POLI: variants seen among roughly 807,000 people sequenced by gnomAD.
POLI encodes the protein RAD30 homolog B.
Under a neutral mutation model 51.6 loss-of-function variants are expected in POLI, and 58 were observed. That is an observed-to-expected ratio of 1.12 (90% confidence interval 0.91 to 1.40). The LOEUF (loss-of-function observed/expected upper bound fraction) is 1.40. Among genes scored for constraint, POLI ranks in the 40% most tolerant of loss-of-function variants. POLI has a pLI of 0.00. For missense variants in POLI, 921 were observed against 871.3 expected (o/e 1.06, Z -0.72); for synonymous variants, 322 against 299.7 (o/e 1.07, Z -0.77).
At chr18:54,287,159 C>T in intron 7 of POLI, 122 bp from the exon 8 acceptor site, 1 of 592,836 alleles carries the variant, frequency 1.7e-6, no homozygotes, top group East Asian at 3.0e-5. Context: ...ATTTTGTTAT[C>T]TGCTATATGT....
intron 1 of POLI, 119 bp downstream of exon 1, chr18:54,269,780 C>G (rs1385507983): frequency 7.2e-7 from 1 of 1,383,676 alleles, no homozygotes; most frequent in Admixed American, 3.6e-5. Flanking sequence ...CTCGGCTCCT[C>G]TAAGAGAGGG....
Position 54,294,052 on chromosome 18 carries a change from G to T in POLI, c.1808G>T (p.Gly603Val). 6.2e-7 allele frequency: 1 copy of T among 1,613,194 alleles called. No individual in the cohort carries two copies. Among genetic ancestry groups the T allele is most frequent in the African/African-American group, 1.3e-5 (1 of 75,016 alleles). ...TCCTCTGTATCTCCTTGTGAACCGG[G>T]AACATCAGGCTTTAATAGCAGTAGT... ...QVSSVSPCEP[G>V]TSGFNSSSSS... is the part of the protein sequence containing the mutation. The change falls in exon 10 of 10, where the codon GGA becomes GTA. Residue 603 changes from glycine to valine, a missense_variant. Transcript: ENST00000579534.
rs1219181012 is a variant in POLI at position 54,287,542 on chromosome 18, T to C, written c.1198+131T>C. On this transcript the variant is annotated intron_variant, in intron 8 of 9. Coordinates refer to ENST00000579534, the MANE Select transcript of POLI (RefSeq NM_007195.3). ...AGCAAGCAATTAAATGCTTTTATTCTATCAGGAATTTTCACTGGAAAACTT... is the reference window on the plus strand; with the variant it reads ...AGCAAGCAATTAAATGCTTTTATTCCATCAGGAATTTTCACTGGAAAACTT... 5.0e-6 allele frequency: 3 copies of C among 599,072 alleles called. No individual in the cohort carries two copies. In the African/African-American group the frequency reaches 5.6e-5, roughly 11 times the overall value. The allele number at this position is 599,072 out of a possible 1,614,324, so 37.1% of individuals were successfully genotyped here.
At chr18:54,283,379 T>C (rs1017309187) in intron 6 of POLI, among the ~76,000 whole-genome samples, 1 of 152,144 alleles carries the variant, frequency 6.6e-6, no homozygotes, top group African/African-American at 2.4e-5. Context: ...TTGACTGATT[T>C]TTTTGCTATG....
At chr18:54,287,484 TG>T in intron 8 of POLI, 73 bp downstream of exon 8, 1 of 1,162,378 alleles carries the variant, frequency 8.6e-7, no homozygotes. Context: ...ATGAGAAATA[TG>T]CTCCAAAAAT....
At chr18:54,271,097 A>G (rs2086983977) in intron 1 of POLI, 2 of 278,668 alleles carry the variant, frequency 7.2e-6, no homozygotes. Context: ...TTCATCATCC[A>G]TTATTTATCA....
rs372502361 is a variant in POLI at position 54,294,507 on chromosome 18, A to G, written c.*40A>G. 200 of 1,529,998 alleles carry G rather than the reference A, an allele frequency of 1.3e-4. No individual in the cohort carries two copies. The highest frequency in any genetic ancestry group is 1.6e-4 in the Non-Finnish European group (186 of 1,145,088). 94.8% of individuals were successfully genotyped at this position (1,529,998 alleles called of 1,614,324 possible). On this transcript the variant is annotated 3_prime_UTR_variant, in exon 10 of 10. Transcript: ENST00000579534. Reference sequence around the variant, plus strand: ...AAGGTCTGAAAAGCAAGGGAATACCATTATTTTCGGATTAGCGGTTTATTA... The same window carrying G: ...AAGGTCTGAAAAGCAAGGGAATACCGTTATTTTCGGATTAGCGGTTTATTA...
In POLI at chr18:54,294,814, CATT is replaced by C; in HGVS notation, c.*348_*350del. 1.2e-6 allele frequency: 1 copy of C among 828,502 alleles called. No individual in the cohort carries two copies. The highest frequency in any genetic ancestry group is 1.4e-6 in the Non-Finnish European group (1 of 704,668). The allele number at this position is 828,502 out of a possible 1,614,324, so 51.3% of individuals were successfully genotyped here. A position where few individuals can be genotyped will look rare whatever the true frequency, so the allele number is the denominator to read the frequency against. Reference sequence around the variant, plus strand: ...CGTTGCAATGATATGGTAAAGGACACATTTTTTTTTTTTTTTTCCTGTGAAATG... The same window carrying C: ...CGTTGCAATGATATGGTAAAGGACACTTTTTTTTTTTTTTCCTGTGAAATG... On this transcript the variant is annotated 3_prime_UTR_variant, in exon 10 of 10. Coordinates refer to ENST00000579534, the MANE Select transcript of POLI (RefSeq NM_007195.3).
intron 5 of POLI, 116 bp downstream of exon 5, chr18:54,281,019 CATGTGTGTGTGT>C (rs1045413038): frequency 3.3e-6 from 2 of 614,482 alleles, no homozygotes; most frequent in Admixed American, 6.2e-5. Flanking sequence ...AGTTTGTGTG[CATGTGTGTGTGT>C]GTGTATACTT....
At chr18:54,289,625 C>G (rs889971415) in intron 8 of POLI, among the ~76,000 whole-genome samples, 7 of 144,320 alleles carry the variant, frequency 4.9e-5, no homozygotes, top group Non-Finnish European at 7.7e-5. Context: ...GGCAGAAAAA[C>G]AGAGATACAG....
At chr18:54,273,780 G>T (rs1450572926) in intron 2 of POLI, 146 bp from the exon 3 acceptor site, 5 of 431,868 alleles carry the variant, frequency 1.2e-5, no homozygotes, top group Non-Finnish European at 2.0e-5. Context: ...GATATATGGA[G>T]GCTATGTTTT....
At chr18:54,305,096 C>G (rs549742795) in intron 3 of POLI, among the ~76,000 whole-genome samples, 19 of 152,192 alleles carry the variant, frequency 1.2e-4, no homozygotes, top group Middle Eastern at 3.4e-3. Context: ...ATTTCTGAGG[C>G]CTCTGTTCTG....
rs775738261 is a variant in POLI, at chr18:54,296,757, CAA to C, written c.*2291_*2292del. ...GTAGCATCTCACCTGCTATTTAAAA[CAA>C]TGATGGTTTTAATTTCAATAAATAT... On this transcript the variant is annotated 3_prime_UTR_variant, in exon 10 of 10. Transcript: ENST00000579534. The C allele has an allele frequency of 5.6e-4, 195 of 345,960 alleles. No homozygotes were observed. The highest frequency in any genetic ancestry group is 6.6e-4 in the Non-Finnish European group (162 of 246,948). The allele number at this position is 345,960 out of a possible 1,614,324, so 21.4% of individuals were successfully genotyped here. A position where few individuals can be genotyped will look rare whatever the true frequency, so the allele number is the denominator to read the frequency against.
chr18:54,293,357 A>G (rs886605215), intron 9 of POLI, among the ~76,000 whole-genome samples: 1 of 151,996 alleles, frequency 6.6e-6, no homozygotes, highest in African/African-American at 2.4e-5. Context: ...TATAGAATTG[A>G]AAGTTTGGTT....
chr18:54,294,170 A>G lies in POLI; in HGVS notation c.1926A>G (p.Gln642=), dbSNP rs1244945999. Residue 642 remains glutamine, a synonymous_variant, in exon 10 of 10, where the codon CAA becomes CAG. Transcript: ENST00000579534. ...TAAGTCAAGGACCTAAAGAACCTCAAGGATTCCACTTTACAAATTCAAACC... is the reference window on the plus strand; with the variant it reads ...TAAGTCAAGGACCTAAAGAACCTCAGGGATTCCACTTTACAAATTCAAACC... ...ERISQGPKEP[Q]GFHFTNSNPA... The G allele has an allele frequency of 1.9e-6, 3 of 1,612,460 alleles. No individual in the cohort carries two copies. The highest frequency in any genetic ancestry group is 2.5e-6 in the Non-Finnish European group (3 of 1,178,834).
intron 3 of POLI, among the ~76,000 whole-genome samples, chr18:54,305,714 A>G (rs955976911): frequency 1.1e-4 from 16 of 151,440 alleles, no homozygotes; most frequent in African/African-American, 3.1e-4. Context: ...AACAGGGACA[A>G]TTTGACTTCC....
Position 54,282,898 on chromosome 18 carries a change from C to A in POLI, c.858C>A (p.Leu286=), listed in dbSNP as rs748781449. The A allele has an allele frequency of 5.0e-6, 8 of 1,589,262 alleles. No homozygotes were observed. Among genetic ancestry groups the A allele is most frequent in the Non-Finnish European group, 6.9e-6 (8 of 1,166,484 alleles). Residue 286 remains leucine, a synonymous_variant, in exon 6 of 10, where the codon CTC becomes CTA. Coordinates refer to ENST00000579534, the MANE Select transcript of POLI (RefSeq NM_007195.3). The stretch of plus-strand genomic sequence containing the variant: ...TGGGTATCAATAGTGTGCGTGATCT[C>A]CAAACCTTTTCACCCAAAATTTTAG... ...EALGINSVRD[L]QTFSPKILEK... is the part of the protein sequence containing the mutation.
downstream of POLI, among the ~76,000 whole-genome samples, chr18:54,299,433 TCAAAA>T (rs938464498): frequency 3.9e-5 from 6 of 152,238 alleles, no homozygotes; most frequent in African/African-American, 1.2e-4. Flanking sequence ...AGACTCCATC[TCAAAA>T]CAAAACAAAA....
intron 4 of POLI, among the ~76,000 whole-genome samples, chr18:54,320,682 A>C (rs1482445801): frequency 6.6e-6 from 1 of 152,204 alleles, no homozygotes; most frequent in Non-Finnish European, 1.5e-5. Flanking sequence ...AACAAATATT[A>C]ATAACGTAAA....
Sources: gnomAD v4.1 joint callset for allele counts (sites outside exome capture counted in the v4.1 genomes callset) on GRCh38, gnomAD v4.1.1 for gene constraint, MANE v1.5 for transcripts, NCBI Gene and HGNC (gene_info 2026-07-23, HGNC 2026-07-21) for gene names.